LYPLA1: variants seen among roughly 807,000 people sequenced by gnomAD.
The protein encoded by LYPLA1 is lysophospholipase 1.
Under a neutral mutation model 34.0 loss-of-function variants are expected in LYPLA1, and 17 were observed. The ratio of observed to expected loss-of-function variants is 0.50; its 90% CI spans 0.34 to 0.75. The LOEUF is 0.75. LYPLA1 is among the 30% of genes least tolerant of loss of function. The pLI is 0.01. For synonymous variants in LYPLA1, 98 were observed against 100.8 expected (o/e 0.97, Z 0.17); for missense variants, 203 against 288.8 (o/e 0.70, Z 2.15).
intron 2 of LYPLA1, among the ~76,000 whole-genome samples, chr8:54,084,159 T>TATATATATAC (rs1808532093): frequency 1.5e-5 from 2 of 134,162 alleles, no homozygotes; most frequent in African/African-American, 6.5e-5. Context: ...TATATATATA[T>TATATATATAC]ATATAAAATA....
chr8:54,088,245 T>G (rs60186893), intron 2 of LYPLA1, among the ~76,000 whole-genome samples: 20,414 of 152,238 alleles, frequency 0.13, 3,547 homozygotes, highest in African/African-American at 0.41. Context: ...TGTTAGCACC[T>G]GTCTTCGAAT....
rs577048907 is a variant in LYPLA1, at chr8:54,055,040, C to T, written c.360+20G>A. ...TAAGTATACTGATGGTACTGACATT[C>T]CACTCAAATTTTATCTTACCTGAGA... On this transcript the variant is annotated intron_variant, in intron 6 of 8. Coordinates refer to ENST00000316963, the MANE Select transcript of LYPLA1 (RefSeq NM_006330.4). The T allele has an allele frequency of 3.4e-6, 5 of 1,452,228 alleles. No individual in the cohort carries two copies. In the African/African-American group the frequency reaches 5.6e-5, roughly 16 times the overall value. 90.0% of individuals were successfully genotyped at this position (1,452,228 alleles called of 1,614,324 possible).
At chr8:54,048,367 A>G (rs1473557553) in intron 8 of LYPLA1, among the ~76,000 whole-genome samples, 1 of 152,192 alleles carries the variant, frequency 6.6e-6, no homozygotes, top group Non-Finnish European at 1.5e-5. Context: ...TACTGGAACA[A>G]TATAAGACAC....
chr8:54,095,455 AAT>A (rs1343394598), intron 2 of LYPLA1, among the ~76,000 whole-genome samples: 27 of 152,216 alleles, frequency 1.8e-4, no homozygotes, highest in Admixed American at 6.5e-5. Flanking sequence ...AATATGTTAT[AAT>A]ATCAAGGTAT....
At chr8:54,057,437 G>T (rs902239455) in intron 5 of LYPLA1, among the ~76,000 whole-genome samples, 27 of 152,242 alleles carry the variant, frequency 1.8e-4, no homozygotes, top group African/African-American at 5.8e-4. Flanking sequence ...ATGACTGGAT[G>T]AAGAAAATGT....
At chr8:54,086,139 G>T (rs1421305054) in intron 2 of LYPLA1, among the ~76,000 whole-genome samples, 1 of 151,960 alleles carries the variant, frequency 6.6e-6, no homozygotes, top group East Asian at 1.9e-4. Flanking sequence ...CCAACCCCGT[G>T]CTCTCTGAAA....
At chr8:54,099,372 C>T (rs1809936372) in intron 2 of LYPLA1, among the ~76,000 whole-genome samples, 1 of 152,128 alleles carries the variant, frequency 6.6e-6, no homozygotes, top group African/African-American at 2.4e-5. Flanking sequence ...CATAACTCGA[C>T]TTATTAGGCA....
Position 54,086,680 on chromosome 8 carries a change from T to C in LYPLA1, c.101+14228A>G, listed in dbSNP as rs373930595. ...GAGTTCAAGACCAGCCTGTGCAGCA[T>C]AGTAAGACCCCATCTCCACAAAAAA... On this transcript the variant is annotated intron_variant, in intron 2 of 8. Coordinates refer to ENST00000316963, the MANE Select transcript of LYPLA1 (RefSeq NM_006330.4). Among the ~76,000 whole-genome samples, 33 of 150,710 alleles carry C rather than the reference T, an allele frequency of 2.2e-4. No individual in the cohort carries two copies. The East Asian group carries it at 5.9e-3, about 27-fold the overall frequency.
At chr8:54,052,198 T>C (rs2129324215) in intron 7 of LYPLA1, among the ~76,000 whole-genome samples, 1 of 152,296 alleles carries the variant, frequency 6.6e-6, no homozygotes, top group East Asian at 1.9e-4. Context: ...CTAATTTTCA[T>C]ATATATCCTA....
At chr8:54,053,945 A>G (rs183258513) in intron 6 of LYPLA1, among the ~76,000 whole-genome samples, 12 of 152,300 alleles carry the variant, frequency 7.9e-5, no homozygotes, top group Admixed American at 5.9e-4. Context: ...AATATCAAAT[A>G]TACAGACTCC....
intron 2 of LYPLA1, among the ~76,000 whole-genome samples, chr8:54,085,877 G>A (rs548748551): frequency 1.5e-4 from 23 of 150,096 alleles, no homozygotes; most frequent in Non-Finnish European, 3.3e-4. Context: ...CTGCCCAGCC[G>A]CCCCGTCTGG....
At chr8:54,058,800 C>G (rs536956567) in intron 5 of LYPLA1, among the ~76,000 whole-genome samples, 3 of 151,644 alleles carry the variant, frequency 2.0e-5, no homozygotes, top group Non-Finnish European at 4.4e-5. Context: ...AACCCCTGGG[C>G]TCAAGTGATC....
At position 54,065,795 on chromosome 8, in the gene LYPLA1, GGCTTCT is replaced by G; in HGVS notation, c.114_119del (p.Glu39_Ala40del). On this transcript the variant is annotated inframe_deletion, in exon 3 of 9. Transcript: ENST00000316963. The stretch of plus-strand genomic sequence containing the variant: ...TATGTGAACTTCTGATACCTGCAAA[GGCTTCT>G]GCCCATCCGTGCCTGGTGGAAAAAT... 1 of 1,613,864 alleles carries G rather than the reference GGCTTCT, an allele frequency of 6.2e-7. No homozygotes were observed. The highest frequency in any genetic ancestry group is 8.5e-7 in the Non-Finnish European group (1 of 1,179,842).
intron 2 of LYPLA1, among the ~76,000 whole-genome samples, chr8:54,074,866 T>C (rs1473080547): frequency 6.6e-6 from 1 of 152,218 alleles, no homozygotes; most frequent in Non-Finnish European, 1.5e-5. Flanking sequence ...TACATGCCAA[T>C]CAGGAGAGTC....
intron 1 of LYPLA1, chr8:54,101,503 G>A: frequency 8.9e-7 from 1 of 1,124,674 alleles, no homozygotes; most frequent in Non-Finnish European, 1.1e-6. Flanking sequence ...GCCGGCCCGC[G>A]GGGGTCCCGG....
intron 2 of LYPLA1, among the ~76,000 whole-genome samples, chr8:54,087,922 T>G (rs1485431824): frequency 1.3e-5 from 2 of 152,192 alleles, no homozygotes; most frequent in Non-Finnish European, 2.9e-5. Flanking sequence ...ATCTGACAAG[T>G]CCACCCTACT....
At chr8:54,078,887 C>CCTTT (rs1554546443) in intron 2 of LYPLA1, among the ~76,000 whole-genome samples, 2 of 149,082 alleles carry the variant, frequency 1.3e-5, no homozygotes, top group African/African-American at 5.0e-5. Context: ...AACCCCCCCC[C>CCTTT]TTTTTTTTTG....
At chr8:54,092,476 C>A (rs2129366448) in intron 2 of LYPLA1, among the ~76,000 whole-genome samples, 1 of 152,278 alleles carries the variant, frequency 6.6e-6, no homozygotes, top group South Asian at 2.1e-4. Flanking sequence ...AGAATCAAGT[C>A]TTTCAAGTGA....
At chr8:54,084,993 C>CCCTCCT (rs1459107816) in intron 2 of LYPLA1, among the ~76,000 whole-genome samples, 1 of 144,550 alleles carries the variant, frequency 6.9e-6, no homozygotes, top group Non-Finnish European at 1.5e-5. Flanking sequence ...TCCCTCCTCT[C>CCCTCCT]CCTCCTCTTC....
Sources: allele counts gnomAD v4.1 joint callset (sites outside exome capture counted in the v4.1 genomes callset), GRCh38; gene constraint gnomAD v4.1.1; transcripts MANE v1.5; gene names NCBI Gene and HGNC (gene_info 2026-07-23, HGNC 2026-07-21).